The following AOAH variants were observed in gnomAD, a reference collection of about 807,000 sequenced individuals.
AOAH encodes acyloxyacyl hydrolase.
In AOAH, 64 loss-of-function variants were observed where a neutral mutation model predicts 92.2. That is an observed-to-expected ratio of 0.69 (90% CI 0.57 to 0.86). The LOEUF is 0.86. Among genes scored for constraint, AOAH ranks in the 40% least tolerant of loss-of-function variants. The pLI is 0.00. For missense variants in AOAH, 656 were observed against 694.6 expected (o/e 0.94, Z 0.62); for synonymous variants, 263 against 254.5 (o/e 1.03, Z -0.32).
At chr7:36,514,251 T>C (rs1179651774) in intron 20 of AOAH, among the ~76,000 whole-genome samples, 1 of 150,414 alleles carries the variant, frequency 6.6e-6, no homozygotes, top group East Asian at 2.0e-4. Flanking sequence ...ACTGCAATGG[T>C]AGAGGACACG....
At chr7:36,617,344 T>A (rs1452201991) in intron 10 of AOAH, among the ~76,000 whole-genome samples, 1 of 152,248 alleles carries the variant, frequency 6.6e-6, no homozygotes. Flanking sequence ...TCTGCATATA[T>A]TTCATTCATT....
intron 20 of AOAH, among the ~76,000 whole-genome samples, chr7:36,519,582 C>T (rs999559837): frequency 6.6e-6 from 1 of 152,228 alleles, no homozygotes; most frequent in Non-Finnish European, 1.5e-5. Flanking sequence ...AGGCATGTGC[C>T]ACCACGCCCA....
chr7:36,636,552 C>G (rs1180842102), intron 5 of AOAH, among the ~76,000 whole-genome samples: 1 of 152,182 alleles, frequency 6.6e-6, no homozygotes, highest in African/African-American at 2.4e-5. Context: ...ATATCTTATT[C>G]AACAACTTAA....
intron 12 of AOAH, among the ~76,000 whole-genome samples, chr7:36,586,970 T>C (rs1322514765): frequency 1.3e-5 from 2 of 152,112 alleles, no homozygotes; most frequent in African/African-American, 2.4e-5. Flanking sequence ...GGTGAGGGTA[T>C]ATTAAGAAAA....
chr7:36,606,088 A>T (rs1340798493), intron 11 of AOAH, among the ~76,000 whole-genome samples: 3 of 152,238 alleles, frequency 2.0e-5, no homozygotes, highest in Non-Finnish European at 4.4e-5. Context: ...TATAATGCTT[A>T]GATATTTCTG....
intron 11 of AOAH, among the ~76,000 whole-genome samples, chr7:36,604,997 A>T (rs1790899768): frequency 6.6e-6 from 1 of 152,036 alleles, no homozygotes; most frequent in East Asian, 1.9e-4. Flanking sequence ...GAATCTTTGG[A>T]CTTTGTACTT....
intron 11 of AOAH, among the ~76,000 whole-genome samples, chr7:36,612,350 C>T (rs184400754): frequency 6.6e-6 from 1 of 152,284 alleles, no homozygotes; most frequent in African/African-American, 2.4e-5. Flanking sequence ...TTATCATAAA[C>T]ATATTTCTTG....
intron 13 of AOAH, among the ~76,000 whole-genome samples, chr7:36,569,667 A>G (rs184459255): frequency 9.9e-5 from 15 of 151,802 alleles, no homozygotes; most frequent in Admixed American, 4.6e-4. Flanking sequence ...CCAGAGTGCA[A>G]TGGCATAATC....
chr7:36,622,413 A>G (rs1157044887), intron 7 of AOAH, among the ~76,000 whole-genome samples: 2 of 152,208 alleles, frequency 1.3e-5, no homozygotes, highest in African/African-American at 4.8e-5. Flanking sequence ...GTGAATCAAG[A>G]GTTATAATAA....
chr7:36,714,297 T>G (rs556377488), intron 1 of AOAH, among the ~76,000 whole-genome samples: 2 of 152,166 alleles, frequency 1.3e-5, no homozygotes, highest in South Asian at 2.1e-4. Context: ...AATCTCTTAA[T>G]AGACCAATAA....
At chr7:36,684,419 A>G (rs1193132877) in intron 2 of AOAH, among the ~76,000 whole-genome samples, 1 of 152,208 alleles carries the variant, frequency 6.6e-6, no homozygotes, top group Non-Finnish European at 1.5e-5. Flanking sequence ...AACTGATACA[A>G]GAAAAGAATC....
In AOAH at chr7:36,614,271, T is replaced by G. The variant is rs1791690747; in HGVS notation, c.846+2109A>C. Among the ~76,000 whole-genome samples, 1 of 152,168 alleles carries G rather than the reference T, an allele frequency of 6.6e-6. No individual in the cohort carries two copies. The highest frequency in any genetic ancestry group is 2.4e-5 in the African/African-American group (1 of 41,434). Reference sequence around the variant, plus strand: ...TTTATTGTGTTGTTTGATAGGTCCATCCAGAAGTAATGGCTGTGAGCTGCT... The same window carrying G: ...TTTATTGTGTTGTTTGATAGGTCCAGCCAGAAGTAATGGCTGTGAGCTGCT... On this transcript the variant is annotated intron_variant, in intron 11 of 20. Transcript: ENST00000617537. This position sits in a 1 kb window ranked among gnomAD's most constrained non-coding sequence, Gnocchi z 4.2.
Position 36,708,771 on chromosome 7 carries a change from C to A in AOAH, c.127+15251G>T, listed in dbSNP as rs115042548. Among the ~76,000 whole-genome samples, 799 of 152,220 alleles carry A rather than the reference C, an allele frequency of 5.2e-3. 8 individuals are homozygous for A. The highest frequency in any genetic ancestry group is 0.018 in the African/African-American group (757 of 41,536). On this transcript the variant is annotated intron_variant, in intron 1 of 20. Transcript: ENST00000617537. ...CCCCGGAATGTAGAGTTTTTTACAT[C>A]TCTGCTCATTTATTAGCCTGGCTTT... is the stretch of plus-strand genomic sequence containing the variant.
At position 36,698,161 on chromosome 7, in the gene AOAH, T is replaced by A. The variant is rs560670414; in HGVS notation, c.128-11367A>T. On this transcript the variant is annotated intron_variant, in intron 1 of 20. Transcript: ENST00000617537. ...ACATTTTCTATTTTTTCTTAAATCA[T>A]GTCTCCTTTCAGAATTTGTGTATTT... 6.6e-5 allele frequency among the ~76,000 whole-genome samples: 10 copies of A among 152,336 alleles called. No individual in the cohort carries two copies. The South Asian group carries it at 2.1e-3, about 32-fold the overall frequency.
intron 8 of AOAH, 101 bp from the exon 9 acceptor site, chr7:36,620,930 G>A (rs759846694): frequency 2.8e-5 from 31 of 1,112,450 alleles, no homozygotes; most frequent in Non-Finnish European, 2.0e-5. Context: ...AATGCTACAC[G>A]AAGTGCCATG....
intron 4 of AOAH, among the ~76,000 whole-genome samples, chr7:36,646,946 G>A (rs1237361096): frequency 1.3e-5 from 2 of 152,176 alleles, no homozygotes; most frequent in Non-Finnish European, 2.9e-5. Context: ...ACAGTTACGA[G>A]GGACTTGGAT....
chr7:36,682,723 A>G (rs1796728110), intron 2 of AOAH, among the ~76,000 whole-genome samples: 1 of 152,124 alleles, frequency 6.6e-6, no homozygotes, highest in South Asian at 2.1e-4. Context: ...TCTAAACTAG[A>G]ATGAATACAA....
rs761422400 is a variant in AOAH, at chr7:36,513,385, G to A, written c.1600-5C>T. On this transcript the variant is annotated splice_region_variant and splice_polypyrimidine_tract_variant and intron_variant, in intron 20 of 20. Transcript: ENST00000617537. ...CGCCAACAACAGCAAAGCCACCTGT[G>A]AGAGAGAACCCAAAGGACGAGGAAA... 5 of 1,613,300 alleles carry A rather than the reference G, an allele frequency of 3.1e-6. No homozygotes were observed. In the South Asian group the frequency reaches 3.3e-5, roughly 11 times the overall value.
At chr7:36,674,104 GTGAT>G in intron 2 of AOAH, 95 bp from the exon 3 acceptor site, 1 of 696,304 alleles carries the variant, frequency 1.4e-6, no homozygotes, top group Non-Finnish European at 2.4e-6. Context: ...CTGAAGCTGA[GTGAT>G]TAATTTATGA....
Sources: gnomAD v4.1 joint callset for allele counts (sites outside exome capture counted in the v4.1 genomes callset) on GRCh38, gnomAD v4.1.1 for gene constraint, Gnocchi (gnomAD v3.1) non-coding constraint, MANE v1.5 for transcripts, NCBI Gene and HGNC (gene_info 2026-07-23, HGNC 2026-07-21) for gene names.